PDILT: variants seen among roughly 807,000 people sequenced by gnomAD.
PDILT encodes protein disulfide-isomerase-like protein of the testis.
PDILT carries 43 observed loss-of-function variants against 53.7 expected under a neutral mutation model. The observed-to-expected ratio is 0.80, with a 90% CI of 0.63 to 1.03. PDILT has a LOEUF of 1.03. Ranked by LOEUF, PDILT falls within the 50% of genes least tolerant of loss-of-function variation. The pLI is 0.00. For missense variants in PDILT, 727 were observed against 712.3 expected, an observed-to-expected ratio of 1.02 and a Z score of -0.24; for synonymous variants, 282 against 274.2, an observed-to-expected ratio of 1.03 and a Z score of -0.28.
intron 1 of PDILT, among the ~76,000 whole-genome samples, chr16:20,400,012 C>CTCTATCTA (rs777793980): frequency 1.4e-5 from 2 of 141,716 alleles, no homozygotes; most frequent in East Asian, 4.2e-4. Flanking sequence ...TTGAATATAT[C>CTCTATCTA]TCTATCTATC....
At chr16:20,402,864 C>T (rs1258179386) in intron 1 of PDILT, among the ~76,000 whole-genome samples, 1 of 152,182 alleles carries the variant, frequency 6.6e-6, no homozygotes, top group Non-Finnish European at 1.5e-5. Flanking sequence ...GCAGCCTGCC[C>T]TGACCTGCCC....
At chr16:20,393,718 G>C (rs1393943930) in intron 2 of PDILT, among the ~76,000 whole-genome samples, 1 of 152,180 alleles carries the variant, frequency 6.6e-6, no homozygotes, top group African/African-American at 2.4e-5. Flanking sequence ...AGGGGACATA[G>C]ACTCAAATGT....
In PDILT at chr16:20,374,255, G is replaced by T. The variant is rs1299563698; in HGVS notation, c.681+567C>A. The stretch of plus-strand genomic sequence containing the variant: ...AATGAATGGTTAAAGAGATATTTTG[G>T]TTATAAAATCAGTAGGGTTGTGGTG... On this transcript the variant is annotated intron_variant, in intron 5 of 11. Coordinates refer to ENST00000302451, the MANE Select transcript of PDILT (RefSeq NM_174924.2). 4.6e-5 allele frequency among the ~76,000 whole-genome samples: 7 copies of T among 152,062 alleles called. No homozygotes were observed. In the South Asian group the frequency reaches 6.2e-4, roughly 14 times the overall value.
At chr16:20,381,730 C>T (rs1406645024) in intron 3 of PDILT, among the ~76,000 whole-genome samples, 1 of 151,920 alleles carries the variant, frequency 6.6e-6, no homozygotes, top group Non-Finnish European at 1.5e-5. Flanking sequence ...ATCCAGGCAT[C>T]CTCAATCCCT....
In PDILT at chr16:20,362,600, T is replaced by C. The variant is rs1966122445; in HGVS notation, c.1238-18A>G. 6.2e-7 allele frequency: 1 copy of C among 1,613,302 alleles called. No homozygotes were observed. ...GGGTGCATCTGGAAGAGAAGGTCCATGGCTCAGGCTCACATTGATGAAGAT... is the reference window on the plus strand; with the variant it reads ...GGGTGCATCTGGAAGAGAAGGTCCACGGCTCAGGCTCACATTGATGAAGAT... On this transcript the variant is annotated intron_variant, in intron 9 of 11. Transcript: ENST00000302451.
At chr16:20,382,568 C>T (rs1034487127) in intron 3 of PDILT, among the ~76,000 whole-genome samples, 1 of 152,176 alleles carries the variant, frequency 6.6e-6, no homozygotes. Flanking sequence ...GGAAGTTATT[C>T]TACCTTTCTG....
chr16:20,401,707 C>G (rs987954000), intron 1 of PDILT, among the ~76,000 whole-genome samples: 1 of 152,220 alleles, frequency 6.6e-6, no homozygotes, highest in African/African-American at 2.4e-5. Context: ...GTCAGCTGGA[C>G]ACCTTCAGGG....
chr16:20,360,398 C>G (rs1164901051), intron 11 of PDILT, among the ~76,000 whole-genome samples, 170 bp downstream of exon 11: 2 of 152,110 alleles, frequency 1.3e-5, no homozygotes, highest in Non-Finnish European at 2.9e-5. Context: ...ATAGTAAGTG[C>G]CTTTGAAATA....
At chr16:20,381,356 G>A (rs1203861747) in intron 3 of PDILT, among the ~76,000 whole-genome samples, 2 of 152,158 alleles carry the variant, frequency 1.3e-5, no homozygotes, top group African/African-American at 2.4e-5. Flanking sequence ...GAGAAATTGG[G>A]CCGGGTGCGG....
chr16:20,376,353 C>T (rs1966389566), intron 3 of PDILT, 152 bp from the exon 4 acceptor site: 2 of 840,372 alleles, frequency 2.4e-6, no homozygotes, highest in South Asian at 3.7e-5. Context: ...TCCCCTCTTC[C>T]CCAAGCTCCA....
chr16:20,377,680 C>T (rs960166869), intron 3 of PDILT, among the ~76,000 whole-genome samples: 20 of 152,116 alleles, frequency 1.3e-4, no homozygotes, highest in African/African-American at 4.8e-4. Context: ...CTGGGCCAGG[C>T]GCAGTGGCTC....
At chr16:20,370,816 G>A (rs1279224385) in intron 7 of PDILT, among the ~76,000 whole-genome samples, 1 of 152,102 alleles carries the variant, frequency 6.6e-6, no homozygotes, top group Non-Finnish European at 1.5e-5. Flanking sequence ...TGACGAGAGT[G>A]ACCTCTGGGC....
At chr16:20,370,156 C>G (rs901571306) in intron 7 of PDILT, among the ~76,000 whole-genome samples, 1 of 152,142 alleles carries the variant, frequency 6.6e-6, no homozygotes, top group Non-Finnish European at 1.5e-5. Flanking sequence ...ACTTCATTCA[C>G]TCATTCATTA....
chr16:20,363,032 A>G (rs1202121179), intron 9 of PDILT, among the ~76,000 whole-genome samples: 21 of 132,904 alleles, frequency 1.6e-4, no homozygotes, highest in Middle Eastern at 4.8e-3. Context: ...AGATTGCGCC[A>G]CTGCACTCGA....
At chr16:20,361,686 C>G (rs896697902) in intron 10 of PDILT, among the ~76,000 whole-genome samples, 2 of 152,140 alleles carry the variant, frequency 1.3e-5, no homozygotes, top group African/African-American at 4.8e-5. Context: ...CTGGGGTCAC[C>G]CTTCTGCCCA....
intron 2 of PDILT, among the ~76,000 whole-genome samples, chr16:20,397,584 C>G (rs1048483060): frequency 6.6e-6 from 1 of 152,186 alleles, no homozygotes; most frequent in African/African-American, 2.4e-5. Context: ...TGAAGCTGAC[C>G]TCATCACACT....
intron 3 of PDILT, among the ~76,000 whole-genome samples, chr16:20,384,402 A>C (rs1284921711): frequency 6.6e-6 from 1 of 151,962 alleles, no homozygotes; most frequent in African/African-American, 2.4e-5. Context: ...GATACTTACC[A>C]CTGTTCATGG....
rs1471763304 is a variant in PDILT at position 20,374,976 on chromosome 16, G to A, written c.544-17C>T. ...CTCTAAATCCTATTTGGGAAAGGAT[G>A]TTTGGAAAGGCTTTGGTAGAAATCA... On this transcript the variant is annotated splice_polypyrimidine_tract_variant and intron_variant, in intron 4 of 11. Coordinates refer to ENST00000302451, the MANE Select transcript of PDILT (RefSeq NM_174924.2). The A allele has an allele frequency of 1.3e-6, 2 of 1,595,308 alleles. No homozygotes were observed. The highest frequency in any genetic ancestry group is 1.7e-5 in the Admixed American group (1 of 57,710).
At chr16:20,400,059 T>G (rs1966714657) in intron 1 of PDILT, among the ~76,000 whole-genome samples, 1 of 85,286 alleles carries the variant, frequency 1.2e-5, no homozygotes, top group African/African-American at 5.2e-5. Flanking sequence ...TCTATCTATA[T>G]ATATATATAT....
Sources: allele counts gnomAD v4.1 joint callset (sites outside exome capture counted in the v4.1 genomes callset), GRCh38; gene constraint gnomAD v4.1.1; transcripts MANE v1.5; gene names NCBI Gene and HGNC (gene_info 2026-07-23, HGNC 2026-07-21).